Variants in ATP11B observed in about 807,000 individuals in gnomAD.
The protein encoded by ATP11B is ATPase phospholipid transporting 11B (putative), also known as phospholipid-transporting ATPase IF.
In ATP11B, 81 loss-of-function variants were observed where a neutral mutation model predicts 157.8. The observed-to-expected ratio is 0.51, with a 90% CI of 0.43 to 0.62. The LOEUF (loss-of-function observed/expected upper bound fraction) is 0.62, where lower values mean the gene tolerates loss of function less well. Among genes scored for constraint, ATP11B ranks in the 20% least tolerant of loss-of-function variants. ATP11B has a pLI of 0.00. For missense variants in ATP11B, 1,165 were observed against 1,402.2 expected (o/e 0.83, Z 2.70); for synonymous variants, 451 against 469.4 (o/e 0.96, Z 0.51).
At chr3:182,863,454 C>A (rs542793903) in intron 12 of ATP11B, among the ~76,000 whole-genome samples, 4 of 151,992 alleles carry the variant, frequency 2.6e-5, no homozygotes, top group Non-Finnish European at 5.9e-5. Flanking sequence ...TCTGCTTTGT[C>A]TTTAAGAAAC....
At chr3:182,819,226 G>A (rs1024434903) in intron 1 of ATP11B, among the ~76,000 whole-genome samples, 1 of 151,506 alleles carries the variant, frequency 6.6e-6, no homozygotes, top group East Asian at 1.9e-4. Context: ...CCGCCACCAC[G>A]CCCGGCTAAT....
At chr3:182,914,057 C>G (rs1724982220) in intron 29 of ATP11B, 63 bp downstream of exon 29, 1 of 1,595,240 alleles carries the variant, frequency 6.3e-7, no homozygotes, top group South Asian at 1.1e-5. Context: ...CAGGATGAAC[C>G]TGCCGCTCTA....
rs1234480674 is a variant in ATP11B at position 182,845,361 on chromosome 3, G to A, written c.705-97G>A. ...TGGTTTTATATGAAAGTGGTGTTAT[G>A]GCTATAGCTTAAGTACCTTCTGCTG... On this transcript the variant is annotated intron_variant, in intron 8 of 29. Coordinates refer to ENST00000323116, the MANE Select transcript of ATP11B (RefSeq NM_014616.3). 5 of 1,041,118 alleles carry A rather than the reference G, an allele frequency of 4.8e-6. No homozygotes were observed. The East Asian group carries it at 1.4e-4, about 30-fold the overall frequency. The allele number at this position is 1,041,118 out of a possible 1,614,324, so 64.5% of individuals were successfully genotyped here.
chr3:182,908,196 C>CTTTTTTT (rs10716562), intron 28 of ATP11B, among the ~76,000 whole-genome samples: 32 of 70,722 alleles, frequency 4.5e-4, no homozygotes, highest in African/African-American at 6.9e-4. Context: ...TTATTATTTT[C>CTTTTTTT]TTTTTTTTTT....
chr3:182,825,898 C>CA (rs1178244115), intron 2 of ATP11B, among the ~76,000 whole-genome samples: 11 of 151,718 alleles, frequency 7.3e-5, no homozygotes, highest in Admixed American at 2.6e-4. Flanking sequence ...GAGACTGTCT[C>CA]AAAAAAATAA....
intron 29 of ATP11B, chr3:182,914,659 A>T: frequency 1.0e-6 from 1 of 985,316 alleles, no homozygotes; most frequent in Non-Finnish European, 1.2e-6. Flanking sequence ...TCCCCTCCTA[A>T]ATCTGTTTCT....
At chr3:182,836,570 T>G (rs985916027) in intron 6 of ATP11B, 100 bp downstream of exon 6, 2 of 1,344,024 alleles carry the variant, frequency 1.5e-6, no homozygotes, top group Non-Finnish European at 2.0e-6. Flanking sequence ...TTGACCAGAT[T>G]AAGGGGAAGT....
In ATP11B at chr3:182,869,064, T is replaced by C; in HGVS notation, c.1689-14T>C. On this transcript the variant is annotated splice_polypyrimidine_tract_variant and intron_variant, in intron 15 of 29. Transcript: ENST00000323116. The stretch of plus-strand genomic sequence containing the variant: ...AAAGTAAAGTTTTTGTCTTTCTTAC[T>C]TTCTTTTGTTTAGGTACAAACTGCT... 6.4e-7 allele frequency: 1 copy of C among 1,569,430 alleles called. No individual in the cohort carries two copies.
chr3:182,912,084 C>T (rs1195582918), intron 28 of ATP11B, among the ~76,000 whole-genome samples: 1 of 152,110 alleles, frequency 6.6e-6, no homozygotes, highest in Non-Finnish European at 1.5e-5. Context: ...GGGCTTTATC[C>T]TTTGAGCATG....
Position 182,897,425 on chromosome 3 carries a change from T to G in ATP11B, c.3152+19T>G. On this transcript the variant is annotated intron_variant, in intron 27 of 29. Coordinates refer to ENST00000323116, the MANE Select transcript of ATP11B (RefSeq NM_014616.3). ...TTCTCTGGTGAGTGAATATATTGTA[T>G]TTTAATTGGATTGCTTCAACTATAA... is the stretch of plus-strand genomic sequence containing the variant. 1 of 1,443,204 alleles carries G rather than the reference T, an allele frequency of 6.9e-7. No individual in the cohort carries two copies. The allele number at this position is 1,443,204 out of a possible 1,614,324, so 89.4% of individuals were successfully genotyped here.
intron 1 of ATP11B, among the ~76,000 whole-genome samples, chr3:182,816,438 C>T (rs1286870164): frequency 6.6e-6 from 1 of 152,188 alleles, no homozygotes; most frequent in Non-Finnish European, 1.5e-5. Flanking sequence ...GCCATGTAGC[C>T]TTGACCTAGT....
intron 7 of ATP11B, among the ~76,000 whole-genome samples, 179 bp downstream of exon 7, chr3:182,837,353 C>A (rs987246399): frequency 1.3e-5 from 2 of 152,006 alleles, no homozygotes; most frequent in Admixed American, 1.3e-4. Context: ...GAATTCTAAG[C>A]AAAAGATAAT....
At chr3:182,896,450 A>G (rs1411737393) in intron 25 of ATP11B, among the ~76,000 whole-genome samples, 2 of 152,236 alleles carry the variant, frequency 1.3e-5, no homozygotes, top group South Asian at 2.1e-4. Context: ...GTGCCACACC[A>G]TTCTAAACCC....
At chr3:182,847,350 C>T (rs952750483) in intron 9 of ATP11B, among the ~76,000 whole-genome samples, 3 of 152,140 alleles carry the variant, frequency 2.0e-5, no homozygotes, top group Non-Finnish European at 4.4e-5. Context: ...ACACATCTTT[C>T]TAGTAGTAAC....
intron 1 of ATP11B, among the ~76,000 whole-genome samples, chr3:182,809,689 A>C (rs1041037200): frequency 6.6e-6 from 1 of 152,216 alleles, no homozygotes; most frequent in African/African-American, 2.4e-5. Context: ...AGATTGTTAG[A>C]TATCCATGCT....
intron 27 of ATP11B, among the ~76,000 whole-genome samples, 181 bp from the exon 28 acceptor site, chr3:182,898,426 T>C (rs1033997633): frequency 2.6e-5 from 4 of 152,152 alleles, no homozygotes; most frequent in African/African-American, 4.8e-5. Flanking sequence ...CTATAGTTGT[T>C]TTATTTTTAA....
chr3:182,825,808 G>A (rs1421275564), intron 2 of ATP11B, among the ~76,000 whole-genome samples: 2 of 152,004 alleles, frequency 1.3e-5, no homozygotes, highest in Non-Finnish European at 2.9e-5. Flanking sequence ...TCTGAGACAT[G>A]AGAATCGCTT....
chr3:182,814,953 G>T (rs147290197), intron 1 of ATP11B, among the ~76,000 whole-genome samples: 24 of 152,238 alleles, frequency 1.6e-4, no homozygotes, highest in African/African-American at 5.5e-4. Flanking sequence ...GGGGAATGAG[G>T]GGCATCAGCT....
intron 21 of ATP11B, among the ~76,000 whole-genome samples, chr3:182,883,173 G>A (rs1337156041): frequency 6.6e-6 from 1 of 152,032 alleles, no homozygotes; most frequent in Non-Finnish European, 1.5e-5. Flanking sequence ...AAAAAATTGA[G>A]CATGTTGATA....
Sources: allele counts gnomAD v4.1 joint callset (sites outside exome capture counted in the v4.1 genomes callset), GRCh38; gene constraint gnomAD v4.1.1; transcripts MANE v1.5; gene names NCBI Gene and HGNC (gene_info 2026-07-23, HGNC 2026-07-21).